PTPRT: variants seen among roughly 807,000 people sequenced by gnomAD.
PTPRT encodes protein tyrosine phosphatase receptor type T, also known as receptor-type tyrosine-protein phosphatase T.
Under a neutral mutation model 176.8 loss-of-function variants are expected in PTPRT, and 56 were observed. The observed-to-expected ratio is 0.32, with a 90% confidence interval of 0.26 to 0.40. PTPRT has a LOEUF of 0.40. Ranked by LOEUF, PTPRT falls within the 10% of genes least tolerant of loss-of-function variation. The probability of loss-of-function intolerance (pLI) is 1.00; values close to 1 mark genes in which losing one functional copy is unlikely to be tolerated. For missense variants in PTPRT, 1,540 were observed against 1,908.2 expected, an observed-to-expected ratio of 0.81 and a Z score of 3.60; for synonymous variants, 783 against 739.0, an observed-to-expected ratio of 1.06 and a Z score of -0.96.
chr20:42,101,589 G>A (rs1033485303), intron 26 of PTPRT, among the ~76,000 whole-genome samples: 6 of 152,254 alleles, frequency 3.9e-5, no homozygotes, highest in East Asian at 1.9e-4. Context: ...AACACAGCCC[G>A]CTTCCACCCC....
At chr20:42,946,122 G>A (rs1377104744) in intron 1 of PTPRT, among the ~76,000 whole-genome samples, 2 of 152,226 alleles carry the variant, frequency 1.3e-5, no homozygotes, top group Non-Finnish European at 2.9e-5. Context: ...GCAGCACAGA[G>A]TACAGAGCTG....
rs570525855 is a variant in PTPRT, at chr20:42,703,274, T to C, written c.860-25115A>G. 2.2e-4 allele frequency among the ~76,000 whole-genome samples: 33 copies of C among 152,156 alleles called. 1 individual carries two copies. In the South Asian group the frequency reaches 6.4e-3, roughly 30 times the overall value. On this transcript the variant is annotated intron_variant, in intron 6 of 30. Transcript: ENST00000373187. ...CACCAGAATTCTATGGAAGTGCTGT[T>C]TGAACCTTTAATTAGCTCACACTGG...
intron 7 of PTPRT, among the ~76,000 whole-genome samples, chr20:42,495,302 T>C (rs1231981896): frequency 6.6e-6 from 1 of 152,300 alleles, no homozygotes; most frequent in Non-Finnish European, 1.5e-5. Context: ...TTCAGCACTT[T>C]AACTGGGCAC....
chr20:42,712,714 A>G (rs2076163283), intron 6 of PTPRT, among the ~76,000 whole-genome samples: 1 of 152,228 alleles, frequency 6.6e-6, no homozygotes, highest in Non-Finnish European at 1.5e-5. Flanking sequence ...AAATTGGTAC[A>G]TCCCCTATGG....
At chr20:42,150,176 A>C (rs1158515815) in intron 17 of PTPRT, among the ~76,000 whole-genome samples, 1 of 152,178 alleles carries the variant, frequency 6.6e-6, no homozygotes, top group African/African-American at 2.4e-5. Flanking sequence ...GTTATGCCTA[A>C]AATAGTAAGA....
intron 1 of PTPRT, among the ~76,000 whole-genome samples, chr20:43,115,536 C>A (rs1373555228): frequency 6.6e-6 from 1 of 152,144 alleles, no homozygotes; most frequent in Admixed American, 6.6e-5. Context: ...GGACCCTTGG[C>A]AATGTCTGGA....
At chr20:43,024,024 G>T (rs1406429966) in intron 1 of PTPRT, among the ~76,000 whole-genome samples, 2 of 152,208 alleles carry the variant, frequency 1.3e-5, no homozygotes, top group Non-Finnish European at 2.9e-5. Context: ...GCTCCCCACA[G>T]TCTTTGCAGC....
intron 13 of PTPRT, among the ~76,000 whole-genome samples, chr20:42,253,072 G>A (rs1030636379): frequency 6.6e-6 from 1 of 152,176 alleles, no homozygotes; most frequent in Admixed American, 6.5e-5. Flanking sequence ...TACAGGGATA[G>A]AGGAAATGGA....
At chr20:42,136,310 T>C (rs1361485666) in intron 18 of PTPRT, among the ~76,000 whole-genome samples, 2 of 143,596 alleles carry the variant, frequency 1.4e-5, no homozygotes, top group African/African-American at 5.0e-5. Context: ...GAAAAACCAT[T>C]TCCTACAAGT....
chr20:42,438,301 T>G (rs937634303), intron 9 of PTPRT, among the ~76,000 whole-genome samples: 2 of 152,204 alleles, frequency 1.3e-5, no homozygotes, highest in Non-Finnish European at 2.9e-5. Context: ...AACATTTTTC[T>G]TTAGCAAAAC....
At chr20:42,392,936 C>T (rs1304372990) in intron 9 of PTPRT, among the ~76,000 whole-genome samples, 1 of 151,766 alleles carries the variant, frequency 6.6e-6, no homozygotes, top group East Asian at 1.9e-4. Flanking sequence ...AAAGAAGGCC[C>T]AAAGAAAGAG....
chr20:43,096,575 A>T (rs1355814218), intron 1 of PTPRT, among the ~76,000 whole-genome samples: 3 of 152,170 alleles, frequency 2.0e-5, no homozygotes, highest in African/African-American at 7.2e-5. Flanking sequence ...TCCCCAGCTC[A>T]GCAGGCTCCC....
intron 1 of PTPRT, among the ~76,000 whole-genome samples, chr20:43,150,314 A>G (rs2014309072): frequency 6.6e-6 from 1 of 152,208 alleles, no homozygotes. Context: ...ATCAACAGAC[A>G]ACTCAGAACT....
chr20:42,379,502 G>A (rs1015285618), intron 9 of PTPRT, among the ~76,000 whole-genome samples: 3 of 152,202 alleles, frequency 2.0e-5, no homozygotes, highest in African/African-American at 4.8e-5. Flanking sequence ...TCCAGTGCAT[G>A]CTTCCCAGAG....
intron 9 of PTPRT, among the ~76,000 whole-genome samples, chr20:42,408,027 TACC>T (rs2145726053): frequency 6.6e-6 from 1 of 152,256 alleles, no homozygotes; most frequent in African/African-American, 2.4e-5. Flanking sequence ...TTTTTTAAAA[TACC>T]ACATGTATGA....
At chr20:42,202,306 T>C (rs1209724508) in intron 15 of PTPRT, among the ~76,000 whole-genome samples, 1 of 152,136 alleles carries the variant, frequency 6.6e-6, no homozygotes, top group Non-Finnish European at 1.5e-5. Context: ...TTGGCCATAA[T>C]TTGGAGAAAC....
chr20:42,494,296 G>C (rs900608043), intron 7 of PTPRT, among the ~76,000 whole-genome samples: 1 of 152,086 alleles, frequency 6.6e-6, no homozygotes, highest in African/African-American at 2.4e-5. Context: ...TTGAAAATTA[G>C]GGAAACAACG....
chr20:42,499,188 T>A (rs1017438466), intron 7 of PTPRT, among the ~76,000 whole-genome samples: 1 of 152,138 alleles, frequency 6.6e-6, no homozygotes, highest in African/African-American at 2.4e-5. Flanking sequence ...ACTGTGGCAA[T>A]TTTGTGCAGT....
At chr20:42,504,906 G>T (rs1158044641) in intron 7 of PTPRT, among the ~76,000 whole-genome samples, 1 of 152,028 alleles carries the variant, frequency 6.6e-6, no homozygotes, top group Non-Finnish European at 1.5e-5. Context: ...GGCTCTGCAG[G>T]TCAGTAGAAA....
Sources: allele counts gnomAD v4.1 joint callset (sites outside exome capture counted in the v4.1 genomes callset), GRCh38; gene constraint gnomAD v4.1.1; transcripts MANE v1.5; gene names NCBI Gene and HGNC (gene_info 2026-07-23, HGNC 2026-07-21).